SOX6: variants seen among roughly 807,000 people sequenced by gnomAD.
SOX6 encodes the protein SRY-box transcription factor 6.
SOX6 carries 11 observed loss-of-function variants against 97.8 expected under a neutral mutation model. The observed-to-expected ratio is 0.11, with a 90% CI of 0.07 to 0.19. The LOEUF (loss-of-function observed/expected upper bound fraction) is 0.19, where lower values mean the gene tolerates loss of function less well. Among genes scored for constraint, SOX6 ranks in the 10% least tolerant of loss-of-function variants. SOX6 has a pLI of 1.00. For synonymous variants in SOX6, 360 were observed against 371.4 expected, an observed-to-expected ratio of 0.97 and a Z score of 0.35; for missense variants, 810 against 1,039.5, an observed-to-expected ratio of 0.78 and a Z score of 3.04.
chr11:16,372,518 T>A (rs889740891), intron 1 of SOX6, among the ~76,000 whole-genome samples: 1 of 152,030 alleles, frequency 6.6e-6, no homozygotes, highest in Non-Finnish European at 1.5e-5. Context: ...AGACTTCAGT[T>A]GACGGCAAAG....
At chr11:16,673,140 T>C (rs1426702354) in intron 3 of SOX6, among the ~76,000 whole-genome samples, 2 of 152,122 alleles carry the variant, frequency 1.3e-5, no homozygotes, top group Non-Finnish European at 2.9e-5. Context: ...GGGAAGTTTA[T>C]AGCTATAAGC....
intron 4 of SOX6, among the ~76,000 whole-genome samples, chr11:16,536,631 G>A (rs547912296): frequency 5.3e-5 from 8 of 152,332 alleles, no homozygotes; most frequent in East Asian, 3.9e-4. Context: ...CTTAGCAACC[G>A]GCAGACCAGG....
intron 4 of SOX6, among the ~76,000 whole-genome samples, chr11:16,498,332 C>T (rs1038184770): frequency 1.8e-4 from 27 of 152,122 alleles, no homozygotes; most frequent in African/African-American, 3.6e-4. Context: ...AAGGAACAAC[C>T]GGTACCAGCC....
At chr11:16,620,765 A>AC (rs1848535204) in intron 3 of SOX6, among the ~76,000 whole-genome samples, 1 of 152,152 alleles carries the variant, frequency 6.6e-6, no homozygotes, top group Non-Finnish European at 1.5e-5. Context: ...TGAAGTACCA[A>AC]CCCACCTTTC....
chr11:16,349,859 A>G (rs1453346779), intron 1 of SOX6, among the ~76,000 whole-genome samples: 19 of 152,090 alleles, frequency 1.2e-4, no homozygotes, highest in Non-Finnish European at 1.5e-5. Context: ...ATGCCATTTT[A>G]CCAATATTTC....
chr11:16,295,953 G>A (rs548741629), intron 3 of SOX6, among the ~76,000 whole-genome samples: 1 of 152,142 alleles, frequency 6.6e-6, no homozygotes, highest in South Asian at 2.1e-4. Flanking sequence ...ATCCTATTTA[G>A]TGAGGCATCA....
chr11:16,116,095 A>G (rs1849341266), intron 6 of SOX6, among the ~76,000 whole-genome samples: 1 of 152,202 alleles, frequency 6.6e-6, no homozygotes, highest in Non-Finnish European at 1.5e-5. Flanking sequence ...TTTATTAAAG[A>G]GAAGCCAGAA....
At chr11:16,159,662 C>T (rs1850693208) in intron 6 of SOX6, among the ~76,000 whole-genome samples, 1 of 151,926 alleles carries the variant, frequency 6.6e-6, no homozygotes, top group African/African-American at 2.4e-5. Flanking sequence ...AAATTTTTGA[C>T]CAGGGGAATT....
At chr11:16,695,458 A>G (rs763843335) in intron 3 of SOX6, among the ~76,000 whole-genome samples, 3 of 152,222 alleles carry the variant, frequency 2.0e-5, no homozygotes, top group Non-Finnish European at 4.4e-5. Context: ...TGAAAATCAA[A>G]AACAGTATTT....
rs145846090 is a variant in SOX6, at chr11:16,572,752, T to C, written n.609+39329A>G. ...ATATCAAATACTCTACATGTCAACC[T>C]AACCATTTTTATTTCACAAAAGGCT... On this transcript the variant is annotated intron_variant and non_coding_transcript_variant, in intron 4 of 5. Transcript: ENST00000524520. Among the ~76,000 whole-genome samples, 268 of 152,316 alleles carry C rather than the reference T, an allele frequency of 1.8e-3. 2 individuals are homozygous for C. The highest frequency in any genetic ancestry group is 6.3e-3 in the African/African-American group (260 of 41,576).
intron 2 of SOX6, among the ~76,000 whole-genome samples, chr11:16,339,332 A>G (rs1856558172): frequency 6.6e-6 from 1 of 152,018 alleles, no homozygotes; most frequent in Non-Finnish European, 1.5e-5. Context: ...CTCCAACTAT[A>G]TCTTATCCTA....
chr11:16,365,860 T>C (rs1857345094), intron 1 of SOX6, among the ~76,000 whole-genome samples: 1 of 152,142 alleles, frequency 6.6e-6, no homozygotes, highest in Non-Finnish European at 1.5e-5. Context: ...GACTAATGAA[T>C]TCAAACTCTT....
At chr11:16,283,045 A>C (rs1854613580) in intron 3 of SOX6, among the ~76,000 whole-genome samples, 1 of 137,194 alleles carries the variant, frequency 7.3e-6, no homozygotes, top group Non-Finnish European at 1.6e-5. Context: ...ATATATATGT[A>C]AATTATATAT....
chr11:16,121,876 A>G (rs542874579), intron 6 of SOX6, among the ~76,000 whole-genome samples: 1 of 152,186 alleles, frequency 6.6e-6, no homozygotes, highest in South Asian at 2.1e-4. Flanking sequence ...ATTTGGAATT[A>G]GATATCTACT....
chr11:16,312,467 G>A (rs1353649244), intron 3 of SOX6: 1 of 152,124 alleles, frequency 6.6e-6, no homozygotes, highest in Non-Finnish European at 1.5e-5. Context: ...ACATGATAGT[G>A]GCTGAAGCAC....
intron 1 of SOX6, among the ~76,000 whole-genome samples, chr11:16,452,405 C>A (rs1235781639): frequency 6.6e-6 from 1 of 152,118 alleles, no homozygotes; most frequent in Non-Finnish European, 1.5e-5. Context: ...CTTGAGGATT[C>A]ATGTTCAAAA....
At chr11:16,038,490 G>A (rs148131184) in intron 12 of SOX6, among the ~76,000 whole-genome samples, 102 of 152,094 alleles carry the variant, frequency 6.7e-4, no homozygotes, top group African/African-American at 2.3e-3. Flanking sequence ...TGGGAAAGAG[G>A]GAGGAAGGGA....
At chr11:16,694,334 C>A (rs1848037116) in intron 3 of SOX6, among the ~76,000 whole-genome samples, 1 of 152,070 alleles carries the variant, frequency 6.6e-6, no homozygotes, top group South Asian at 2.1e-4. Context: ...TCAGGACAAG[C>A]CTGGGCAACA....
chr11:16,434,737 A>G (rs974424251), intron 1 of SOX6, among the ~76,000 whole-genome samples: 3 of 152,184 alleles, frequency 2.0e-5, no homozygotes, highest in Non-Finnish European at 4.4e-5. Flanking sequence ...TTGAAAGTGA[A>G]TAGAAAACTA....
Sources: allele counts gnomAD v4.1 joint callset (sites outside exome capture counted in the v4.1 genomes callset), GRCh38; gene constraint gnomAD v4.1.1; transcripts MANE v1.5; gene names NCBI Gene and HGNC (gene_info 2026-07-23, HGNC 2026-07-21).